Variants in ZNF475 observed in about 807,000 individuals in gnomAD.
The protein encoded by ZNF475 is zinc finger protein 475.
chr5:122,181,394 A>T, the ZNF475 span, among the ~76,000 whole-genome samples: 4 of 152,192 alleles, frequency 2.6e-5, no homozygotes, highest in East Asian at 5.8e-4. Context: ...GTAACGAGAA[A>T]GTCAGTGTCA....
the ZNF475 span, among the ~76,000 whole-genome samples, chr5:122,169,626 T>G: frequency 1.3e-5 from 2 of 152,074 alleles, no homozygotes; most frequent in South Asian, 4.1e-4. Flanking sequence ...ATAAAATTAC[T>G]GACATCATAT....
the ZNF475 span, among the ~76,000 whole-genome samples, chr5:122,165,604 C>T: frequency 6.6e-6 from 1 of 152,040 alleles, no homozygotes; most frequent in Admixed American, 6.6e-5. Flanking sequence ...GGGGCTATTT[C>T]CCTTGCAGGA....
At chr5:122,161,137 C>T in the ZNF475 span, among the ~76,000 whole-genome samples, 1 of 152,188 alleles carries the variant, frequency 6.6e-6, no homozygotes, top group African/African-American at 2.4e-5. Context: ...GTGTAGTGCT[C>T]CTCTCCCTTA....
the ZNF475 span, among the ~76,000 whole-genome samples, chr5:122,169,192 G>C: frequency 1.5e-4 from 23 of 152,154 alleles, no homozygotes; most frequent in Admixed American, 1.5e-3. Flanking sequence ...TTGTTTAGCA[G>C]CTTGGCTGAG....
the ZNF475 span, chr5:122,182,530 C>G: frequency 6.5e-7 from 1 of 1,532,938 alleles, no homozygotes; most frequent in Non-Finnish European, 8.7e-7. Context: ...AATGAAGCTG[C>G]TTGGACAAGT....
At chr5:122,163,963 C>G in the ZNF475 span, among the ~76,000 whole-genome samples, 2 of 144,788 alleles carry the variant, frequency 1.4e-5, no homozygotes, top group Admixed American at 6.8e-5. Flanking sequence ...TTTTTTTTTT[C>G]TCTCTAAAAT....
chr5:122,162,768 T>C, the ZNF475 span, among the ~76,000 whole-genome samples: 1 of 152,162 alleles, frequency 6.6e-6, no homozygotes, highest in Non-Finnish European at 1.5e-5. Context: ...CAGAAAACCA[T>C]CCTTCATAGG....
chr5:122,171,520 GATA>G, the ZNF475 span, among the ~76,000 whole-genome samples: 3 of 152,160 alleles, frequency 2.0e-5, no homozygotes, highest in Admixed American at 2.0e-4. Flanking sequence ...TGAACTGTAG[GATA>G]ATATTTCTTC....
the ZNF475 span, among the ~76,000 whole-genome samples, chr5:122,166,752 G>T: frequency 6.6e-6 from 1 of 152,204 alleles, no homozygotes; most frequent in Non-Finnish European, 1.5e-5. Flanking sequence ...CGGACATTTG[G>T]GTTGGTTCCA....
At chr5:122,165,627 T>C in the ZNF475 span, among the ~76,000 whole-genome samples, 1 of 152,218 alleles carries the variant, frequency 6.6e-6, no homozygotes, top group Non-Finnish European at 1.5e-5. Context: ...TTCTATTACC[T>C]CTGGGTGCCC....
the ZNF475 span, among the ~76,000 whole-genome samples, chr5:122,166,672 A>C: frequency 1.5e-4 from 23 of 152,160 alleles, no homozygotes; most frequent in Non-Finnish European, 2.6e-4. Context: ...ATGAACTCAT[A>C]CTTTTTTATG....
chr5:122,176,860 A>G, the ZNF475 span, among the ~76,000 whole-genome samples: 1 of 152,178 alleles, frequency 6.6e-6, no homozygotes, highest in Admixed American at 6.5e-5. Context: ...TCTGTAAGCT[A>G]TTCAATTTGT....
chr5:122,163,252 G>A, the ZNF475 span: 2 of 152,092 alleles, frequency 1.3e-5, no homozygotes, highest in African/African-American at 4.8e-5. Flanking sequence ...ATAAAATAGG[G>A]GCATTGAGCT....
At chr5:122,160,705 A>T in the ZNF475 span, among the ~76,000 whole-genome samples, 12 of 152,196 alleles carry the variant, frequency 7.9e-5, no homozygotes, top group African/African-American at 1.9e-4. Context: ...TTCAAATATT[A>T]TTTAGGCGTA....
the ZNF475 span, among the ~76,000 whole-genome samples, chr5:122,167,405 C>G: frequency 1.3e-5 from 2 of 151,996 alleles, no homozygotes; most frequent in East Asian, 1.9e-4. Flanking sequence ...TATTTGTTTT[C>G]TTTTATGGTT....
the ZNF475 span, among the ~76,000 whole-genome samples, chr5:122,179,209 T>C: frequency 6.6e-6 from 1 of 152,176 alleles, no homozygotes; most frequent in Non-Finnish European, 1.5e-5. Context: ...CTTAGGATTG[T>C]CTTAGTTATA....
At chr5:122,181,011 A>G in the ZNF475 span, among the ~76,000 whole-genome samples, 1 of 152,014 alleles carries the variant, frequency 6.6e-6, no homozygotes, top group Non-Finnish European at 1.5e-5. Flanking sequence ...GATCTTTATC[A>G]CTTTCTCTGC....
chr5:122,170,805 A>C, the ZNF475 span, among the ~76,000 whole-genome samples: 1 of 152,188 alleles, frequency 6.6e-6, no homozygotes, highest in South Asian at 2.1e-4. Flanking sequence ...CCGAATCTTA[A>C]AGCTGTCTGG....
the ZNF475 span, among the ~76,000 whole-genome samples, chr5:122,169,767 A>G: frequency 1.3e-5 from 2 of 152,350 alleles, no homozygotes; most frequent in African/African-American, 4.8e-5. Flanking sequence ...GGCCTGCTTC[A>G]TCCACCCACC....
Sources: gnomAD v4.1 joint callset for allele counts (sites outside exome capture counted in the v4.1 genomes callset) on GRCh38, gnomAD v4.1.1 for gene constraint, MANE v1.5 for transcripts, NCBI Gene and HGNC (gene_info 2026-07-23, HGNC 2026-07-21) for gene names.